Variants in MYBL2 observed in about 807,000 individuals in gnomAD.
MYBL2 encodes myb-related protein B.
In MYBL2, 28 loss-of-function variants were observed where a neutral mutation model predicts 79.9. The ratio of observed to expected loss-of-function variants is 0.35; its 90% CI spans 0.26 to 0.48. The LOEUF (loss-of-function observed/expected upper bound fraction) is 0.48. Among genes scored for constraint, MYBL2 ranks in the 20% least tolerant of loss-of-function variants. The pLI is 0.99. For missense variants in MYBL2, 735 were observed against 893.9 expected, an observed-to-expected ratio of 0.82 and a Z score of 2.27; for synonymous variants, 378 against 361.2, an observed-to-expected ratio of 1.05 and a Z score of -0.53.
chr20:43,681,746 G>A (rs778805998), intron 2 of MYBL2, 38 bp from the exon 3 acceptor site: 64 of 1,604,290 alleles, frequency 4.0e-5, no homozygotes, highest in Middle Eastern at 1.6e-4. Context: ...TTTTCTGCAC[G>A]TATGTGTGCT....
At chr20:43,693,377 T>G (rs1417189349) in intron 6 of MYBL2, among the ~76,000 whole-genome samples, 1 of 152,116 alleles carries the variant, frequency 6.6e-6, no homozygotes, top group Non-Finnish European at 1.5e-5. Flanking sequence ...ATGGAGTCTC[T>G]GTCGCTCAGG....
intron 9 of MYBL2, 38 bp downstream of exon 9, chr20:43,705,396 C>T: frequency 6.4e-7 from 1 of 1,561,882 alleles, no homozygotes; most frequent in Non-Finnish European, 8.7e-7. Flanking sequence ...GCCGTCCTCT[C>T]CCTCAGCAAC....
rs185074354 is a variant in MYBL2 at position 43,701,576 on chromosome 20, G to A, written c.952-914G>A. Among the ~76,000 whole-genome samples, 12 of 152,328 alleles carry A rather than the reference G, an allele frequency of 7.9e-5. No individual in the cohort carries two copies. In the East Asian group the frequency reaches 1.7e-3, roughly 22 times the overall value. On this transcript the variant is annotated intron_variant, in intron 7 of 13. Transcript: ENST00000217026. ...CTGAGTGAGTAACTTTGGGAAGACC[G>A]AATCCCCTTAGCTCAGCTTCCTTGG...
At chr20:43,685,200 G>A (rs1987243470) in intron 4 of MYBL2, among the ~76,000 whole-genome samples, 1 of 151,308 alleles carries the variant, frequency 6.6e-6, no homozygotes, top group South Asian at 2.1e-4. Flanking sequence ...TTATTTTTGA[G>A]ATGGAGTTTC....
chr20:43,703,037 C>T, intron 8 of MYBL2, 134 bp downstream of exon 8: 1 of 961,598 alleles, frequency 1.0e-6, no homozygotes, highest in African/African-American at 1.6e-5. Context: ...GACCAGGTAA[C>T]TAAAAAAGAC....
At chr20:43,703,330 G>A (rs1987713884) in intron 8 of MYBL2, among the ~76,000 whole-genome samples, 1 of 152,234 alleles carries the variant, frequency 6.6e-6, no homozygotes, top group Admixed American at 6.5e-5. Context: ...CAGTGCTGGG[G>A]ATGGGCTTGT....
chr20:43,686,717 C>T (rs1247651314), intron 4 of MYBL2, 135 bp from the exon 5 acceptor site: 24 of 812,418 alleles, frequency 3.0e-5, no homozygotes, highest in Middle Eastern at 7.1e-4. Flanking sequence ...CCCTGCAGCT[C>T]GCTCAGTGTT....
chr20:43,714,592 T>C (rs1409552037), intron 12 of MYBL2, among the ~76,000 whole-genome samples: 1 of 152,174 alleles, frequency 6.6e-6, no homozygotes, highest in Admixed American at 6.5e-5. Context: ...TTTTTTTTTT[T>C]TAAGTAAGAA....
intron 7 of MYBL2, among the ~76,000 whole-genome samples, chr20:43,700,375 G>A (rs192249775): frequency 6.6e-5 from 10 of 152,320 alleles, no homozygotes; most frequent in South Asian, 2.1e-4. Context: ...ACAGGACAGC[G>A]TGGTATTTGT....
At chr20:43,680,480 A>G (rs1281252844) in intron 2 of MYBL2, among the ~76,000 whole-genome samples, 2 of 151,974 alleles carry the variant, frequency 1.3e-5, no homozygotes, top group Admixed American at 6.6e-5. Context: ...GTTTATATGC[A>G]TGACATTTTC....
At chr20:43,676,906 A>T (rs1286352140) in intron 2 of MYBL2, among the ~76,000 whole-genome samples, 2 of 145,732 alleles carry the variant, frequency 1.4e-5, no homozygotes, top group African/African-American at 2.5e-5. Context: ...TATTATTTGT[A>T]TTGCTTTTGT....
chr20:43,713,336 G>A (rs1987954430), intron 12 of MYBL2, among the ~76,000 whole-genome samples: 1 of 151,972 alleles, frequency 6.6e-6, no homozygotes, highest in Admixed American at 6.6e-5. Flanking sequence ...TTAAAAACAT[G>A]CATCTGGGTC....
At chr20:43,691,603 C>T (rs116296016) in intron 5 of MYBL2, among the ~76,000 whole-genome samples, 225 of 149,914 alleles carry the variant, frequency 1.5e-3, no homozygotes, top group African/African-American at 5.3e-3. Context: ...GCAATGGCAT[C>T]ATCTTGGCTA....
chr20:43,707,259 G>T (rs1361152078), intron 9 of MYBL2, among the ~76,000 whole-genome samples: 1 of 151,648 alleles, frequency 6.6e-6, no homozygotes, highest in Non-Finnish European at 1.5e-5. Flanking sequence ...ACTTAGATAG[G>T]TTTCGTGAGA....
intron 2 of MYBL2, among the ~76,000 whole-genome samples, chr20:43,674,616 G>A (rs112639849): frequency 0.029 from 4,432 of 150,876 alleles, 221 homozygotes; most frequent in African/African-American, 0.092. Flanking sequence ...GGCTGGTCTC[G>A]AACTCCTGAC....
chr20:43,716,202 A>C lies in MYBL2; in HGVS notation c.*115A>C. ...CTCCTGCAGGGAGCCTTCTGCCACCAGCCCCTCCCCAGACTCTCAGGTGGA... is the reference window on the plus strand; with the variant it reads ...CTCCTGCAGGGAGCCTTCTGCCACCCGCCCCTCCCCAGACTCTCAGGTGGA... On this transcript the variant is annotated 3_prime_UTR_variant, in exon 14 of 14. Transcript: ENST00000217026. The C allele has an allele frequency of 2.0e-6, 3 of 1,513,310 alleles. No homozygotes were observed. The highest frequency in any genetic ancestry group is 2.7e-6 in the Non-Finnish European group (3 of 1,122,202). The allele number at this position is 1,513,310 out of a possible 1,614,324, so 93.7% of individuals were successfully genotyped here. A position where few individuals can be genotyped will look rare whatever the true frequency, so the allele number is the denominator to read the frequency against.
chr20:43,683,017 G>A (rs1178290763), intron 4 of MYBL2, 131 bp downstream of exon 4: 12 of 816,238 alleles, frequency 1.5e-5, no homozygotes, highest in Non-Finnish European at 2.1e-5. Flanking sequence ...CTACCAGCCA[G>A]TCTGGACACT....
At chr20:43,676,368 G>A (rs947032974) in intron 2 of MYBL2, among the ~76,000 whole-genome samples, 7 of 151,984 alleles carry the variant, frequency 4.6e-5, no homozygotes, top group African/African-American at 1.7e-4. Flanking sequence ...AGAATATGCG[G>A]TATTTGGTTT....
chr20:43,697,641 C>T (rs1021688027), intron 6 of MYBL2, among the ~76,000 whole-genome samples: 15 of 150,148 alleles, frequency 1.0e-4, no homozygotes, highest in South Asian at 8.4e-4. Context: ...CAATGGCTCA[C>T]GCCTGTAATC....
Sources: allele counts gnomAD v4.1 joint callset (sites outside exome capture counted in the v4.1 genomes callset), GRCh38; gene constraint gnomAD v4.1.1; transcripts MANE v1.5; gene names NCBI Gene and HGNC (gene_info 2026-07-23, HGNC 2026-07-21).